Variants in TMEM38A observed in about 807,000 individuals in gnomAD.
TMEM38A encodes trimeric intracellular cation channel type A.
Under a neutral mutation model 28.6 loss-of-function variants are expected in TMEM38A, and 17 were observed. That is an observed-to-expected ratio of 0.60 (90% CI 0.41 to 0.89). The LOEUF is 0.89. Among genes scored for constraint, TMEM38A ranks in the 40% least tolerant of loss-of-function variants. The pLI is 0.00. For synonymous variants in TMEM38A, 169 were observed against 166.1 expected, an observed-to-expected ratio of 1.02 and a Z score of -0.14; for missense variants, 328 against 393.1, an observed-to-expected ratio of 0.83 and a Z score of 1.40.
chr19:16,665,167 G>A (rs781014502), intron 1 of TMEM38A, among the ~76,000 whole-genome samples: 11 of 152,102 alleles, frequency 7.2e-5, no homozygotes, highest in Non-Finnish European at 1.3e-4. Flanking sequence ...GGTGGCACAT[G>A]CCTGTAATCC....
intron 1 of TMEM38A, among the ~76,000 whole-genome samples, chr19:16,671,019 C>T (rs900768253): frequency 2.0e-5 from 3 of 151,964 alleles, no homozygotes; most frequent in Non-Finnish European, 2.9e-5. Flanking sequence ...CACCCTAGAC[C>T]GCCTCCCCCT....
intron 1 of TMEM38A, among the ~76,000 whole-genome samples, chr19:16,672,569 T>C (rs2086732607): frequency 6.6e-6 from 1 of 150,882 alleles, no homozygotes; most frequent in South Asian, 2.1e-4. Context: ...ATGTCTCAGC[T>C]TCCCAAGTAG....
At chr19:16,683,970 CA>C (rs10687049) in intron 4 of TMEM38A, among the ~76,000 whole-genome samples, 33 of 132,786 alleles carry the variant, frequency 2.5e-4, no homozygotes, top group Admixed American at 3.9e-4. Flanking sequence ...AATTCCATCT[CA>C]AAAAAAAAAA....
chr19:16,661,299 A>G lies in TMEM38A; in HGVS notation c.82A>G (p.Ser28Gly), dbSNP rs368687840. 3.8e-6 allele frequency: 6 copies of G among 1,596,904 alleles called. No homozygotes were observed. Among genetic ancestry groups the G allele is most frequent in the South Asian group, 1.1e-5 (1 of 89,262 alleles). ...GCCGCTCTTCCCCGTCTTCGACCTCAGTTACTTCATCGTCTCCATCCTCTA... is the reference window on the plus strand; with the variant it reads ...GCCGCTCTTCCCCGTCTTCGACCTCGGTTACTTCATCGTCTCCATCCTCTA... Reference protein sequence around the residue: ...RVPLFPVFDLSYFIVSILYLK... With the variant: ...RVPLFPVFDLGYFIVSILYLK... Residue 28 changes from serine (S) to glycine (G), a missense_variant, in exon 1 of 6, where the codon AGT (serine) becomes GGT (glycine). Physicochemically the swap from Ser to Gly is moderately conservative, Grantham distance 56 (BLOSUM62 0). Transcript: ENST00000187762. This position sits in a 1 kb window ranked among gnomAD's most constrained non-coding sequence, Gnocchi z 6.5.
At chr19:16,666,001 A>C (rs1339738308) in intron 1 of TMEM38A, among the ~76,000 whole-genome samples, 3 of 150,836 alleles carry the variant, frequency 2.0e-5, no homozygotes, top group Non-Finnish European at 4.4e-5. Context: ...TTGTTTTTGG[A>C]GACGGAGTCT....
Position 16,671,201 on chromosome 19 carries a change from C to CTTTTTTTTTTTTTTTTTTT in TMEM38A, c.125-8779_125-8761dup, listed in dbSNP as rs34550977. Among the ~76,000 whole-genome samples, 18 of 84,856 alleles carry CTTTTTTTTTTTTTTTTTTT rather than the reference C, an allele frequency of 2.1e-4. 1 individual carries two copies. Among genetic ancestry groups the CTTTTTTTTTTTTTTTTTTT allele is most frequent in the African/African-American group, 7.3e-4 (11 of 15,122 alleles). The allele number at this position is 84,856 out of a possible 152,430, so 55.7% of individuals were successfully genotyped here. A position where few individuals can be genotyped will look rare whatever the true frequency, so the allele number is the denominator to read the frequency against. On this transcript the variant is annotated intron_variant, in intron 1 of 5. Transcript: ENST00000187762. ...GTATGGAAAGGGGAAAGGACCTGGG[C>CTTTTTTTTTTTTTTTTTTT]TTTTTTTTTTTTTTTTTTTTTTGAG...
chr19:16,667,279 G>GA (rs11436221), intron 1 of TMEM38A, among the ~76,000 whole-genome samples: 39,180 of 145,560 alleles, frequency 0.27, 7,541 homozygotes, highest in African/African-American at 0.55. Flanking sequence ...TCCATTTCAG[G>GA]AAAAAAAAAA....
intron 1 of TMEM38A, among the ~76,000 whole-genome samples, chr19:16,668,436 T>C (rs1255805803): frequency 2.0e-5 from 3 of 146,940 alleles, no homozygotes; most frequent in Non-Finnish European, 4.4e-5. Context: ...TGCCAGCTAC[T>C]CCGGAGGCTG....
Position 16,680,234 on chromosome 19 carries a change from C to T in TMEM38A, c.281+94C>T, listed in dbSNP as rs2086775732. The T allele has an allele frequency of 2.6e-6, 4 of 1,521,304 alleles. No individual in the cohort carries two copies. The South Asian group carries it at 3.6e-5, about 14-fold the overall frequency. 94.2% of individuals were successfully genotyped at this position (1,521,304 alleles called of 1,614,324 possible). A position where few individuals can be genotyped will look rare whatever the true frequency, so the allele number is the denominator to read the frequency against. On this transcript the variant is annotated intron_variant, in intron 2 of 5. Transcript: ENST00000187762. ...GAGAGGTTGGAGGAATTAGAATGCACCAGCAACAGCCCTCATGATGGCCCT... is the reference window on the plus strand; with the variant it reads ...GAGAGGTTGGAGGAATTAGAATGCATCAGCAACAGCCCTCATGATGGCCCT...
Position 16,680,116 on chromosome 19 carries a change from G to A in TMEM38A, c.257G>A (p.Ser86Asn). The change falls in exon 2 of 6, where the codon AGC (serine) becomes AAC (asparagine). Residue 86 changes from serine (S) to asparagine (N), a missense_variant. Coordinates refer to ENST00000187762, the MANE Select transcript of TMEM38A (RefSeq NM_024074.4). Reference sequence around the variant, plus strand: ...ATCGATTACTTCAGCAACAACTCCAGCATCCTGCTGGCCTCAGCTGTCTGG... The same window carrying A: ...ATCGATTACTTCAGCAACAACTCCAACATCCTGCTGGCCTCAGCTGTCTGG... The part of the protein sequence containing the change: ...PLIDYFSNNS[S>N]ILLASAVWYL... 6.2e-7 allele frequency: 1 copy of A among 1,609,598 alleles called. No homozygotes were observed. Among genetic ancestry groups the A allele is most frequent in the Admixed American group, 1.7e-5 (1 of 60,006 alleles).
Position 16,688,501 on chromosome 19 carries a change from C to A in TMEM38A, c.*130C>A, listed in dbSNP as rs2086811625. Reference sequence around the variant, plus strand: ...TCTGCAAATCAGGGTCATTGGCTCACCCTCCAGGGCTGATGTGGGGGTTGA... The same window carrying A: ...TCTGCAAATCAGGGTCATTGGCTCAACCTCCAGGGCTGATGTGGGGGTTGA... On this transcript the variant is annotated 3_prime_UTR_variant, in exon 6 of 6. Coordinates refer to ENST00000187762, the MANE Select transcript of TMEM38A (RefSeq NM_024074.4). The A allele has an allele frequency of 1.4e-6, 1 of 691,386 alleles. No homozygotes were observed. The highest frequency in any genetic ancestry group is 2.1e-6 in the Non-Finnish European group (1 of 467,042). The allele number at this position is 691,386 out of a possible 1,614,324, so 42.8% of individuals were successfully genotyped here.
At chr19:16,680,682 A>T in intron 3 of TMEM38A, 101 bp downstream of exon 3, 1 of 1,216,008 alleles carries the variant, frequency 8.2e-7, no homozygotes, top group Non-Finnish European at 1.2e-6. Context: ...CTCCAGGCAC[A>T]GGGGCATAAA....
intron 1 of TMEM38A, among the ~76,000 whole-genome samples, chr19:16,674,672 G>A (rs1436930072): frequency 2.6e-5 from 4 of 152,048 alleles, no homozygotes. Flanking sequence ...GGTGGTCCAT[G>A]CCTGTAATCC....
intron 1 of TMEM38A, among the ~76,000 whole-genome samples, chr19:16,668,899 G>A (rs748473277): frequency 7.4e-4 from 112 of 150,558 alleles, no homozygotes; most frequent in Non-Finnish European, 1.4e-3. Context: ...TTTGATCTTG[G>A]CTCACTGCAA....
intron 1 of TMEM38A, among the ~76,000 whole-genome samples, chr19:16,679,755 G>A (rs1448685499): frequency 2.0e-5 from 3 of 152,102 alleles, no homozygotes; most frequent in African/African-American, 7.2e-5. Flanking sequence ...CATCATCATT[G>A]CCACCTCTCT....
chr19:16,664,187 G>A (rs539011738), intron 1 of TMEM38A, among the ~76,000 whole-genome samples: 7 of 152,196 alleles, frequency 4.6e-5, no homozygotes, highest in South Asian at 2.1e-4. Context: ...GAGGCGAGGC[G>A]GGTGGATCAC....
intron 1 of TMEM38A, among the ~76,000 whole-genome samples, chr19:16,666,523 G>A (rs1208512538): frequency 2.0e-5 from 3 of 151,902 alleles, no homozygotes; most frequent in African/African-American, 7.3e-5. Flanking sequence ...CCAACTCCTG[G>A]GCTCAAGCAA....
rs2086808899 is a variant in TMEM38A, at chr19:16,688,087, T to C, written c.673-57T>C. The stretch of plus-strand genomic sequence containing the variant: ...CCCACCCTGCCCTCCACTCCTTTGC[T>C]TTCTACCTTGGTCTCCCTCTGTCTC... On this transcript the variant is annotated intron_variant, in intron 5 of 5. Transcript: ENST00000187762. 12 of 1,278,446 alleles carry C rather than the reference T, an allele frequency of 9.4e-6. No individual in the cohort carries two copies. The East Asian group carries it at 3.3e-4, about 35-fold the overall frequency. The allele number at this position is 1,278,446 out of a possible 1,614,324, so 79.2% of individuals were successfully genotyped here. A position where few individuals can be genotyped will look rare whatever the true frequency, so the allele number is the denominator to read the frequency against.
chr19:16,676,127 G>C (rs1466731210), intron 1 of TMEM38A, among the ~76,000 whole-genome samples: 3 of 149,494 alleles, frequency 2.0e-5, no homozygotes, highest in Non-Finnish European at 4.4e-5. Context: ...TTGTGAGGCC[G>C]AGGCAGGCGG....
Sources: allele counts gnomAD v4.1 joint callset (sites outside exome capture counted in the v4.1 genomes callset), GRCh38; gene constraint gnomAD v4.1.1; non-coding constraint Gnocchi (gnomAD v3.1); transcripts MANE v1.5; gene names NCBI Gene and HGNC (gene_info 2026-07-23, HGNC 2026-07-21).